QTGAL: variants seen among roughly 807,000 people sequenced by gnomAD.
QTGAL encodes the protein queuosine-tRNA galactosyltransferase.
the QTGAL span, among the ~76,000 whole-genome samples, chr17:82,998,571 G>A: frequency 2.6e-5 from 4 of 152,034 alleles, no homozygotes; most frequent in African/African-American, 9.7e-5. Context: ...GGTCTCAACT[G>A]CCTGACCTCA....
At chr17:83,022,076 T>C in the QTGAL span, among the ~76,000 whole-genome samples, 4 of 152,186 alleles carry the variant, frequency 2.6e-5, no homozygotes, top group Non-Finnish European at 5.9e-5. Flanking sequence ...ATGTAAAAGA[T>C]AAAAATAGAA....
the QTGAL span, among the ~76,000 whole-genome samples, chr17:82,969,596 G>A: frequency 6.6e-6 from 1 of 152,354 alleles, no homozygotes; most frequent in South Asian, 2.1e-4. Flanking sequence ...CCTCGCCTGA[G>A]GCCAGGAGTT....
the QTGAL span, among the ~76,000 whole-genome samples, chr17:82,958,927 G>A: frequency 7.0e-5 from 1 of 14,262 alleles, no homozygotes; most frequent in South Asian, 7.6e-3. Context: ...GGTGTATGGT[G>A]TGTGTGTGTG....
At chr17:82,972,381 C>T in the QTGAL span, among the ~76,000 whole-genome samples, 1 of 129,906 alleles carries the variant, frequency 7.7e-6, no homozygotes, top group Non-Finnish European at 1.6e-5. Flanking sequence ...CCAGTACTGA[C>T]CACACCACAC....
chr17:83,017,361 G>T, the QTGAL span, among the ~76,000 whole-genome samples: 4 of 152,172 alleles, frequency 2.6e-5, no homozygotes, highest in Non-Finnish European at 5.9e-5. Context: ...AGTAGCTCAT[G>T]CCTGTAATCC....
chr17:82,975,140 G>A, the QTGAL span, among the ~76,000 whole-genome samples: 2 of 51,110 alleles, frequency 3.9e-5, no homozygotes, highest in African/African-American at 1.4e-4. Flanking sequence ...CCTCCCAGGG[G>A]CCGGAGGCCA....
At chr17:83,002,821 C>T in the QTGAL span, among the ~76,000 whole-genome samples, 1 of 145,886 alleles carries the variant, frequency 6.9e-6, no homozygotes, top group East Asian at 2.1e-4. Context: ...GAAACACTAG[C>T]TGTGGGATTC....
the QTGAL span, among the ~76,000 whole-genome samples, chr17:83,019,818 C>T: frequency 2.0e-5 from 3 of 152,134 alleles, no homozygotes; most frequent in Non-Finnish European, 4.4e-5. Context: ...ACTGCAACCT[C>T]CTTCTCCCAG....
At chr17:82,965,059 C>T in the QTGAL span, among the ~76,000 whole-genome samples, 1 of 144,824 alleles carries the variant, frequency 6.9e-6, no homozygotes, top group South Asian at 2.2e-4. Flanking sequence ...GACATGGACG[C>T]CTGCAGGTGC....
At chr17:82,963,918 T>C in the QTGAL span, among the ~76,000 whole-genome samples, 2 of 152,024 alleles carry the variant, frequency 1.3e-5, no homozygotes, top group African/African-American at 2.4e-5. Context: ...AATAAAGCTT[T>C]TATATAAAAT....
At chr17:83,000,510 A>G in the QTGAL span, among the ~76,000 whole-genome samples, 4 of 152,226 alleles carry the variant, frequency 2.6e-5, no homozygotes, top group South Asian at 2.1e-4. Flanking sequence ...TATGTGGTCT[A>G]TAAGTGTTTG....
chr17:82,965,496 AGG>A, the QTGAL span, among the ~76,000 whole-genome samples: 1 of 152,174 alleles, frequency 6.6e-6, no homozygotes, highest in South Asian at 2.1e-4. Flanking sequence ...AGGTGCCAGG[AGG>A]GGGCACCGGG....
chr17:82,990,851 C>T, the QTGAL span, among the ~76,000 whole-genome samples: 3 of 146,914 alleles, frequency 2.0e-5, no homozygotes, highest in Non-Finnish European at 3.0e-5. Context: ...ACAGAGCCTG[C>T]TCTCTCTCCC....
At chr17:82,951,808 TG>T in the QTGAL span, among the ~76,000 whole-genome samples, 1 of 50,024 alleles carries the variant, frequency 2.0e-5, no homozygotes. Context: ...AGGGGTGGGG[TG>T]GGGGGGAGCG....
the QTGAL span, chr17:82,965,679 T>C: frequency 1.2e-6 from 2 of 1,611,852 alleles, no homozygotes; most frequent in Non-Finnish European, 1.7e-6. Context: ...GGGGCCCACG[T>C]GGGAGAACCA....
chr17:82,952,811 C>A, the QTGAL span, among the ~76,000 whole-genome samples: 1 of 152,208 alleles, frequency 6.6e-6, no homozygotes, highest in Non-Finnish European at 1.5e-5. Flanking sequence ...GTGAAACACT[C>A]CTCAGCAAAT....
At chr17:83,043,931 T>G in the QTGAL span, among the ~76,000 whole-genome samples, 33,523 of 151,642 alleles carry the variant, frequency 0.22, 3,942 homozygotes, top group East Asian at 0.39. Flanking sequence ...CTACCAAAAT[T>G]GACTCAAGAA....
chr17:82,970,457 CCTGGAG>C, the QTGAL span, among the ~76,000 whole-genome samples: 2 of 152,182 alleles, frequency 1.3e-5, no homozygotes, highest in Non-Finnish European at 2.9e-5. Flanking sequence ...CAGCCAGACA[CCTGGAG>C]CTTCTGCCGT....
At chr17:83,034,989 C>A in the QTGAL span, 1 of 1,413,844 alleles carries the variant, frequency 7.1e-7, no homozygotes, top group South Asian at 1.2e-5. Flanking sequence ...ATTATTCAAC[C>A]AACATGTACA....
Sources: gnomAD v4.1 joint callset for allele counts (sites outside exome capture counted in the v4.1 genomes callset) on GRCh38, gnomAD v4.1.1 for gene constraint, MANE v1.5 for transcripts, NCBI Gene and HGNC (gene_info 2026-07-23, HGNC 2026-07-21) for gene names.